Variants in TCF4 observed in about 807,000 individuals in gnomAD.
TCF4 encodes the protein SL3-3 enhancer factor 2.
TCF4 carries 3 observed loss-of-function variants against 82.1 expected under a neutral mutation model. The observed-to-expected ratio is 0.04, with a 90% CI of 0.02 to 0.09. The LOEUF is 0.09. Ranked by LOEUF, TCF4 falls within the 10% of genes least tolerant of loss-of-function variation. TCF4 has a pLI of 1.00. For missense variants in TCF4, 518 were observed against 852.7 expected, an observed-to-expected ratio of 0.61 and a Z score of 4.89; for synonymous variants, 276 against 309.6, an observed-to-expected ratio of 0.89 and a Z score of 1.14.
chr18:55,486,453 G>A (rs374793523), intron 3 of TCF4, among the ~76,000 whole-genome samples: 1 of 152,058 alleles, frequency 6.6e-6, no homozygotes, highest in African/African-American at 2.4e-5. Context: ...TTAGCCGGGC[G>A]TGGTGGCGCA....
chr18:55,583,552 AAT>A (rs1237992380), intron 3 of TCF4, among the ~76,000 whole-genome samples: 3 of 152,128 alleles, frequency 2.0e-5, no homozygotes, highest in Admixed American at 6.6e-5. Context: ...AATGTAACAC[AAT>A]CTCATATTTC....
intron 2 of TCF4, among the ~76,000 whole-genome samples, chr18:55,624,130 A>G (rs1906341090): frequency 6.6e-6 from 1 of 152,152 alleles, no homozygotes; most frequent in Admixed American, 6.5e-5. Context: ...AGAGTGAGCA[A>G]TAAAGGGGTT....
At chr18:55,420,500 T>C (rs979625709) in intron 5 of TCF4, among the ~76,000 whole-genome samples, 1 of 152,258 alleles carries the variant, frequency 6.6e-6, no homozygotes, top group East Asian at 1.9e-4. Flanking sequence ...TTTTCTCCAG[T>C]TTACTCAGTC....
At chr18:55,608,050 C>T (rs193272179) in intron 2 of TCF4, among the ~76,000 whole-genome samples, 13 of 152,296 alleles carry the variant, frequency 8.5e-5, no homozygotes, top group Admixed American at 2.0e-4. Flanking sequence ...ATGGAAGCTG[C>T]GTGCCACATG....
At chr18:55,445,705 T>C (rs534450647) in intron 5 of TCF4, among the ~76,000 whole-genome samples, 4 of 152,200 alleles carry the variant, frequency 2.6e-5, no homozygotes, top group Non-Finnish European at 2.9e-5. Context: ...CTACATCTCA[T>C]AGTCATCTCA....
intron 6 of TCF4, among the ~76,000 whole-genome samples, chr18:55,358,629 A>G (rs1306791713): frequency 2.0e-5 from 3 of 152,270 alleles, no homozygotes; most frequent in African/African-American, 7.2e-5. Context: ...TTCAAAGCCT[A>G]TGCTAGTTCT....
At chr18:55,516,622 T>C (rs1013292116) in intron 3 of TCF4, among the ~76,000 whole-genome samples, 2 of 151,682 alleles carry the variant, frequency 1.3e-5, no homozygotes, top group Non-Finnish European at 2.9e-5. Context: ...TCTTCAAGAG[T>C]GTGGTCAGGG....
chr18:55,366,895 A>G (rs1569215152), intron 6 of TCF4, among the ~76,000 whole-genome samples: 2 of 152,202 alleles, frequency 1.3e-5, no homozygotes, highest in Non-Finnish European at 2.9e-5. Flanking sequence ...CCATATACAT[A>G]TACATTTCCA....
intron 11 of TCF4, chr18:55,266,949 G>A (rs1176349772): frequency 6.6e-6 from 1 of 152,102 alleles, no homozygotes; most frequent in Non-Finnish European, 1.5e-5. Flanking sequence ...CAGGACAACT[G>A]CTGACCACCA....
chr18:55,527,906 T>C (rs893536428), intron 3 of TCF4, among the ~76,000 whole-genome samples: 1 of 152,166 alleles, frequency 6.6e-6, no homozygotes, highest in Non-Finnish European at 1.5e-5. Context: ...AGCAAACCAA[T>C]TGCACTGAGC....
chr18:55,568,848 T>C (rs1284234237), intron 3 of TCF4, among the ~76,000 whole-genome samples: 2 of 152,104 alleles, frequency 1.3e-5, no homozygotes, highest in African/African-American at 2.4e-5. Flanking sequence ...GAAGAAAATA[T>C]TTGAAATTGA....
intron 3 of TCF4, among the ~76,000 whole-genome samples, chr18:55,576,852 GT>G (rs143756128): frequency 6.6e-6 from 1 of 151,614 alleles, no homozygotes; most frequent in African/African-American, 2.4e-5. Flanking sequence ...AAAACATGAG[GT>G]TTTTTTGCAA....
intron 6 of TCF4, among the ~76,000 whole-genome samples, chr18:55,358,087 A>G (rs2084053054): frequency 3.3e-5 from 5 of 152,232 alleles, no homozygotes. Context: ...TCTGACCAAG[A>G]GTATATGGCG....
At chr18:55,452,209 A>C (rs2095637781) in intron 5 of TCF4, among the ~76,000 whole-genome samples, 1 of 152,140 alleles carries the variant, frequency 6.6e-6, no homozygotes, top group Non-Finnish European at 1.5e-5. Context: ...AAACTTCTGG[A>C]CAAAAGTTGG....
intron 5 of TCF4, among the ~76,000 whole-genome samples, chr18:55,447,296 CA>C (rs34577882): frequency 0.37 from 52,696 of 143,726 alleles, 9,474 homozygotes; most frequent in Middle Eastern, 0.48. Context: ...GAGACCGTCT[CA>C]AAAAAAAAAA....
At chr18:55,521,158 A>G (rs1221010192) in intron 3 of TCF4, among the ~76,000 whole-genome samples, 1 of 152,210 alleles carries the variant, frequency 6.6e-6, no homozygotes, top group South Asian at 2.1e-4. Flanking sequence ...TCCCCCAGAA[A>G]CAAAAATAAA....
At chr18:55,250,834 G>C (rs1259580391) in intron 15 of TCF4, among the ~76,000 whole-genome samples, 1 of 152,192 alleles carries the variant, frequency 6.6e-6, no homozygotes, top group Non-Finnish European at 1.5e-5. Context: ...ATCTATAAAA[G>C]ATGCACAGCT....
chr18:55,415,923 A>T (rs889956477), intron 5 of TCF4, among the ~76,000 whole-genome samples: 1 of 152,232 alleles, frequency 6.6e-6, no homozygotes, highest in African/African-American at 2.4e-5. Flanking sequence ...GTCTTATACA[A>T]ATCTATTAAT....
At chr18:55,632,158 C>G (rs1418285124) in intron 1 of TCF4, among the ~76,000 whole-genome samples, 1 of 152,204 alleles carries the variant, frequency 6.6e-6, no homozygotes, top group Non-Finnish European at 1.5e-5. Flanking sequence ...CCTGCCTCAG[C>G]CTCCCGACTA....
Sources: gnomAD v4.1 joint callset for allele counts (sites outside exome capture counted in the v4.1 genomes callset) on GRCh38, gnomAD v4.1.1 for gene constraint, MANE v1.5 for transcripts, NCBI Gene and HGNC (gene_info 2026-07-23, HGNC 2026-07-21) for gene names.